PKIB: variants seen among roughly 807,000 people sequenced by gnomAD.
PKIB encodes the protein PKI-beta.
A neutral mutation model predicts 4.5 loss-of-function variants in PKIB; 2 were observed. That is an observed-to-expected ratio of 0.44 (90% CI 0.18 to 1.39). The LOEUF (loss-of-function observed/expected upper bound fraction) is 1.39. PKIB is among the 40% of genes most tolerant of loss of function. PKIB has a pLI of 0.27. For synonymous variants in PKIB, 38 were observed against 36.0 expected (o/e 1.06, Z -0.20); for missense variants, 94 against 92.6 (o/e 1.02, Z -0.06).
At chr6:122,632,154 T>A (rs1775729574) in intron 1 of PKIB, among the ~76,000 whole-genome samples, 1 of 152,046 alleles carries the variant, frequency 6.6e-6, no homozygotes, top group South Asian at 2.1e-4. Flanking sequence ...GAAGAGTGAA[T>A]TGAAGAACAT....
intron 2 of PKIB, among the ~76,000 whole-genome samples, chr6:122,551,180 G>C (rs1396853074): frequency 1.3e-5 from 2 of 151,998 alleles, no homozygotes; most frequent in Non-Finnish European, 2.9e-5. Context: ...TCAGTGCTGG[G>C]AAATTTTCTT....
intron 2 of PKIB, among the ~76,000 whole-genome samples, chr6:122,530,606 G>A (rs748399133): frequency 1.1e-4 from 16 of 152,134 alleles, no homozygotes; most frequent in Non-Finnish European, 1.8e-4. Flanking sequence ...AGCCTAGCTA[G>A]AAGTGAAAGA....
At position 122,628,080 on chromosome 6, in the gene PKIB, A is replaced by G. The variant is rs1489885359; in HGVS notation, c.-160-5203A>G. Among the ~76,000 whole-genome samples, 3 of 149,120 alleles carry G rather than the reference A, an allele frequency of 2.0e-5. No individual in the cohort carries two copies. In the Admixed American group the frequency reaches 2.0e-4, roughly 10 times the overall value. ...TTGAGACAGAGTTTTGCTCTTGCCC[A>G]GGCTGGAGTGCAATGGCGCAATCTT... On this transcript the variant is annotated intron_variant, in intron 1 of 4. Transcript: ENST00000368452.
At chr6:122,632,029 C>T (rs939824371) in intron 1 of PKIB, among the ~76,000 whole-genome samples, 5 of 152,156 alleles carry the variant, frequency 3.3e-5, no homozygotes, top group African/African-American at 1.2e-4. Context: ...AGGGGAATGA[C>T]TCAGGCAGGG....
At chr6:122,717,088 T>C (rs1225873743) in intron 3 of PKIB, among the ~76,000 whole-genome samples, 1 of 152,110 alleles carries the variant, frequency 6.6e-6, no homozygotes, top group Non-Finnish European at 1.5e-5. Context: ...CCCTTTATAG[T>C]GAATGATCTC....
At chr6:122,575,962 C>T (rs1430379131) in intron 2 of PKIB, among the ~76,000 whole-genome samples, 5 of 152,110 alleles carry the variant, frequency 3.3e-5, no homozygotes, top group Admixed American at 6.6e-5. Flanking sequence ...AAAAGCATTA[C>T]TGTAAGTGCA....
chr6:122,526,339 T>C (rs1777091780), intron 2 of PKIB, among the ~76,000 whole-genome samples: 1 of 152,198 alleles, frequency 6.6e-6, no homozygotes, highest in Non-Finnish European at 1.5e-5. Flanking sequence ...TGGTGAATTC[T>C]TTCCAGAAGG....
chr6:122,542,224 G>A (rs1461159098), intron 2 of PKIB, among the ~76,000 whole-genome samples: 1 of 152,066 alleles, frequency 6.6e-6, no homozygotes, highest in Non-Finnish European at 1.5e-5. Context: ...TGTTGCTGGT[G>A]AGGAGCTGCG....
intron 2 of PKIB, among the ~76,000 whole-genome samples, chr6:122,637,827 T>C (rs187895623): frequency 6.6e-6 from 1 of 151,788 alleles, no homozygotes; most frequent in African/African-American, 2.4e-5. Flanking sequence ...CCAGTGATAA[T>C]ATGGAAAGAT....
chr6:122,667,450 T>C (rs2114932959), intron 2 of PKIB, among the ~76,000 whole-genome samples: 1 of 152,072 alleles, frequency 6.6e-6, no homozygotes, highest in South Asian at 2.1e-4. Flanking sequence ...GGCAGGAGGA[T>C]GGCATGAACC....
chr6:122,720,633 C>T (rs995632837), intron 4 of PKIB, among the ~76,000 whole-genome samples: 10 of 151,588 alleles, frequency 6.6e-5, no homozygotes, highest in Admixed American at 6.6e-5. Context: ...GTCAATGAAG[C>T]GATTTGATAT....
intron 2 of PKIB, among the ~76,000 whole-genome samples, chr6:122,512,595 T>C (rs976236626): frequency 6.6e-6 from 1 of 152,224 alleles, no homozygotes; most frequent in African/African-American, 2.4e-5. Context: ...TAGCTTGAGC[T>C]GTGTACCAGC....
At chr6:122,695,129 C>T (rs1200072437) in intron 3 of PKIB, among the ~76,000 whole-genome samples, 1 of 151,850 alleles carries the variant, frequency 6.6e-6, no homozygotes, top group Non-Finnish European at 1.5e-5. Flanking sequence ...TAACATTAAG[C>T]CAAAAAACAG....
At chr6:122,658,202 A>G (rs1027733554) in intron 2 of PKIB, among the ~76,000 whole-genome samples, 21 of 152,236 alleles carry the variant, frequency 1.4e-4, no homozygotes, top group African/African-American at 4.3e-4. Context: ...AATATTAGAC[A>G]TAACTTATAT....
At chr6:122,616,885 A>G (rs1775013877) in intron 1 of PKIB, among the ~76,000 whole-genome samples, 1 of 152,138 alleles carries the variant, frequency 6.6e-6, no homozygotes, top group Admixed American at 6.5e-5. Context: ...AGTCAGTGTT[A>G]CTGCTCTATT....
intron 3 of PKIB, among the ~76,000 whole-genome samples, chr6:122,713,881 A>G (rs1779369985): frequency 6.6e-6 from 1 of 152,238 alleles, no homozygotes; most frequent in African/African-American, 2.4e-5. Context: ...CATTGCATTC[A>G]TAATGCTCTC....
chr6:122,653,564 A>G (rs1209518181), intron 2 of PKIB, among the ~76,000 whole-genome samples: 2 of 151,386 alleles, frequency 1.3e-5, no homozygotes, highest in Non-Finnish European at 2.9e-5. Flanking sequence ...GGTGGGGGGA[A>G]TTTGACTCCG....
rs1030914714 is a variant in PKIB, at chr6:122,719,635, C to G, written c.169+1672C>G. On this transcript the variant is annotated intron_variant, in intron 4 of 4. Coordinates refer to ENST00000368452, the MANE Select transcript of PKIB (RefSeq NM_181795.3). ...AAGTTCAGGGGATCTATTGTAGCAACATGATGACTATAGTTAATAACAATG... is the reference window on the plus strand; with the variant it reads ...AAGTTCAGGGGATCTATTGTAGCAAGATGATGACTATAGTTAATAACAATG... 1.8e-4 allele frequency among the ~76,000 whole-genome samples: 27 copies of G among 151,876 alleles called. 1 individual carries two copies. Among genetic ancestry groups the G allele is most frequent in the Admixed American group, 1.5e-3 (23 of 15,272 alleles).
chr6:122,717,061 A>G (rs1400704454), intron 3 of PKIB, among the ~76,000 whole-genome samples: 2 of 152,202 alleles, frequency 1.3e-5, no homozygotes, highest in African/African-American at 4.8e-5. Context: ...AGAGTAAGCA[A>G]TAACTGTTAC....
Sources: gnomAD v4.1 joint callset for allele counts (sites outside exome capture counted in the v4.1 genomes callset) on GRCh38, gnomAD v4.1.1 for gene constraint, MANE v1.5 for transcripts, NCBI Gene and HGNC (gene_info 2026-07-23, HGNC 2026-07-21) for gene names.